MAGEC3: variants seen among roughly 807,000 people sequenced by gnomAD.
MAGEC3 encodes MAGE family member C3, also known as melanoma-associated antigen C3.
Under a neutral mutation model 35.3 loss-of-function variants are expected in MAGEC3, and 34 were observed. The observed-to-expected ratio is 0.96, with a 90% CI of 0.73 to 1.28. The LOEUF (loss-of-function observed/expected upper bound fraction) is 1.28, where lower values mean the gene tolerates loss of function less well. Among genes scored for constraint, MAGEC3 ranks in the 50% most tolerant of loss-of-function variants. MAGEC3 has a pLI of 0.00. For synonymous variants in MAGEC3, 202 were observed against 185.6 expected, an observed-to-expected ratio of 1.09 and a Z score of -0.72; for missense variants, 561 against 483.6, an observed-to-expected ratio of 1.16 and a Z score of -1.50.
intron 1 of MAGEC3, among the ~76,000 whole-genome samples, chrX:141,853,192 G>A (rs1272441116): frequency 9.0e-6 from 1 of 111,462 alleles, no homozygotes; most frequent in Non-Finnish European, 1.9e-5. Context: ...GGGAAACAAA[G>A]GTTAAATTTC....
intron 2 of MAGEC3, among the ~76,000 whole-genome samples, chrX:141,867,498 T>C (rs776537088): frequency 2.1e-3 from 234 of 111,518 alleles, no homozygotes; most frequent in African/African-American, 7.4e-3. Flanking sequence ...CCTAAATCCT[T>C]AAAAACTCTT....
rs143730187 is a variant in MAGEC3 at position 141,897,457 on chromosome X, G to T, written c.1699G>T (p.Val567Phe). 7.0e-3 allele frequency: 8,408 copies of T among 1,207,716 alleles called. 25 individuals carry two copies. The highest frequency in any genetic ancestry group is 8.4e-3 in the Non-Finnish European group (7,506 of 894,150). The part of the protein sequence containing the change: ...FIKGSCVPEE[V>F]IWEVLSAIGP... ...AAAGGGCAGCTGTGTCCCCGAGGAG[G>T]TCATCTGGGAAGTGTTGAGTGCAAT... The change falls in exon 7 of 8, where the codon GTC becomes TTC. Residue 567 changes from valine to phenylalanine, a missense_variant. Val to Phe is a conservative substitution (Grantham distance 50). Coordinates refer to ENST00000298296, the MANE Select transcript of MAGEC3 (RefSeq NM_138702.1).
chrX:141,889,507 G>A (rs941426571), intron 4 of MAGEC3, among the ~76,000 whole-genome samples: 10 of 111,942 alleles, frequency 8.9e-5, no homozygotes, highest in South Asian at 3.7e-4. Flanking sequence ...CTCTGGGCTC[G>A]TCCTACTTTT....
chrX:141,878,554 C>G (rs953242482), intron 2 of MAGEC3, among the ~76,000 whole-genome samples: 12 of 111,561 alleles, frequency 1.1e-4, no homozygotes, highest in African/African-American at 3.6e-4. Context: ...GTGGTGTCCC[C>G]CTGACATTTT....
chrX:141,891,164 TCTC>T (rs1317155719), intron 4 of MAGEC3, among the ~76,000 whole-genome samples: 2 of 111,254 alleles, frequency 1.8e-5, no homozygotes, highest in African/African-American at 3.3e-5. Context: ...TGTATCCTAA[TCTC>T]CTCTTCTTGT....
intron 2 of MAGEC3, among the ~76,000 whole-genome samples, chrX:141,875,592 C>T (rs2017915106): frequency 9.0e-6 from 1 of 111,686 alleles, no homozygotes. Flanking sequence ...TTTAAAAGGT[C>T]CCTGACACTC....
intron 2 of MAGEC3, among the ~76,000 whole-genome samples, chrX:141,874,148 T>G (rs1430428678): frequency 8.9e-6 from 1 of 112,082 alleles, no homozygotes; most frequent in Non-Finnish European, 1.9e-5. Flanking sequence ...CCAGAACAAG[T>G]GGACATCCAC....
chrX:141,881,585 T>C lies in MAGEC3; in HGVS notation c.698T>C (p.Ile233Thr). 19 of 1,211,255 alleles carry C rather than the reference T, an allele frequency of 1.6e-5. No homozygotes were observed. Among genetic ancestry groups the C allele is most frequent in the South Asian group, 1.4e-4 (8 of 56,917 alleles). ...PMIFRKAREF[I>T]EILFGISLTE... ...ATCTTCAGGAAAGCCCGTGAGTTCA[T>C]AGAGATTCTTTTTGGCATTTCCCTG... The change falls in exon 4 of 8, where the codon ATA becomes ACA. Residue 233 changes from isoleucine (I) to threonine (T), a missense_variant. Coordinates refer to ENST00000298296, the MANE Select transcript of MAGEC3 (RefSeq NM_138702.1).
intron 1 of MAGEC3, among the ~76,000 whole-genome samples, chrX:141,858,918 A>G (rs772860395): frequency 9.0e-6 from 1 of 110,787 alleles, no homozygotes; most frequent in Admixed American, 9.7e-5. Context: ...ATTTTCCTGC[A>G]TTTGTAGTTT....
intron 1 of MAGEC3, among the ~76,000 whole-genome samples, chrX:141,851,589 C>T (rs1047773820): frequency 9.0e-5 from 10 of 110,511 alleles, no homozygotes; most frequent in African/African-American, 2.9e-4. Flanking sequence ...ACCACTATTT[C>T]GAGAACATTT....
In MAGEC3 at chrX:141,897,303, T is replaced by G. The variant is rs1215390944; in HGVS notation, c.1545T>G (p.Asp515Glu). Residue 515 changes from aspartate to glutamate, a missense_variant, in exon 7 of 8, where the codon GAT becomes GAG. Physicochemically the swap from Asp to Glu is conservative, Grantham distance 45 (BLOSUM62 2). Coordinates refer to ENST00000298296, the MANE Select transcript of MAGEC3 (RefSeq NM_138702.1). ...TAATTTTTGGCATTGCCCTGACTGA[T>G]ATGGACCCCGACAACCACTCCTATT... ...IELIFGIALT[D>E]MDPDNHSYFF... 2 of 1,211,711 alleles carry G rather than the reference T, an allele frequency of 1.7e-6. No homozygotes were observed. Among genetic ancestry groups the G allele is most frequent in the African/African-American group, 1.7e-5 (1 of 57,829 alleles).
chrX:141,881,486 A>G lies in MAGEC3; in HGVS notation c.599A>G (p.Gln200Arg). The change falls in exon 4 of 8, where the codon CAA (glutamine) becomes CGA (arginine). Residue 200 changes from glutamine to arginine, a missense_variant. By Grantham distance (43) the Gln-to-Arg change is conservative. Transcript: ENST00000298296. ...GTGCAGTTTCTTCTCCTCAAATATC[A>G]AGCAAAAGAGCCTCTCACAAGAGCA... ...KLVQFLLLKY[Q>R]AKEPLTRAEM... 2 of 1,211,161 alleles carry G rather than the reference A, an allele frequency of 1.7e-6. No individual in the cohort carries two copies. The highest frequency in any genetic ancestry group is 2.2e-6 in the Non-Finnish European group (2 of 895,184).
chrX:141,877,480 A>G (rs2017927363), intron 2 of MAGEC3, among the ~76,000 whole-genome samples: 1 of 111,809 alleles, frequency 8.9e-6, no homozygotes, highest in Non-Finnish European at 1.9e-5. Context: ...ATATACTATT[A>G]TATATTGAAT....
At chrX:141,840,224 A>G (rs1436404688) in intron 1 of MAGEC3, among the ~76,000 whole-genome samples, 1 of 111,975 alleles carries the variant, frequency 8.9e-6, no homozygotes, top group Non-Finnish European at 1.9e-5. Context: ...TAGCATCACA[A>G]ACCACTAAAG....
At chrX:141,862,093 T>C (rs746096184) in intron 1 of MAGEC3, among the ~76,000 whole-genome samples, 44 of 111,421 alleles carry the variant, frequency 3.9e-4, no homozygotes, top group Middle Eastern at 4.7e-3. Context: ...ACTCAACAAT[T>C]TTTTAAAATC....
chrX:141,884,695 T>G (rs139442269), intron 4 of MAGEC3, among the ~76,000 whole-genome samples: 3,774 of 111,574 alleles, frequency 0.034, 152 homozygotes, highest in African/African-American at 0.12. Context: ...TGGCGTGAAC[T>G]GTTTAGAGAA....
At chrX:141,879,563 G>C (rs1426532349) in intron 3 of MAGEC3, 132 bp downstream of exon 3, 3 of 797,502 alleles carry the variant, frequency 3.8e-6, no homozygotes, top group Non-Finnish European at 3.5e-6. Context: ...CCAGGAGATG[G>C]GCAGGAAGGG....
chrX:141,881,361 G>C, intron 3 of MAGEC3, 42 bp from the exon 4 acceptor site: 1 of 1,165,019 alleles, frequency 8.6e-7, no homozygotes, highest in Non-Finnish European at 1.1e-6. Flanking sequence ...TCAATGAAGA[G>C]CCTAGCAGCC....
At chrX:141,877,577 C>T (rs1255054800) in intron 2 of MAGEC3, among the ~76,000 whole-genome samples, 14 of 111,347 alleles carry the variant, frequency 1.3e-4, no homozygotes, top group Non-Finnish European at 2.4e-4. Flanking sequence ...CTGGCCAATC[C>T]TCATTCCTTC....
Sources: allele counts gnomAD v4.1 joint callset (sites outside exome capture counted in the v4.1 genomes callset), GRCh38; gene constraint gnomAD v4.1.1; transcripts MANE v1.5; gene names NCBI Gene and HGNC (gene_info 2026-07-23, HGNC 2026-07-21).